The following TNC variants were observed in gnomAD, a reference collection of about 807,000 sequenced individuals.
The protein encoded by TNC is tenascin.
TNC carries 109 observed loss-of-function variants against 202.4 expected under a neutral mutation model. The ratio of observed to expected loss-of-function variants is 0.54; its 90% CI spans 0.46 to 0.63. The LOEUF is 0.63. Among genes scored for constraint, TNC ranks in the 30% least tolerant of loss-of-function variants. The pLI is 0.00. For synonymous variants in TNC, 1,007 were observed against 1,089.7 expected, an observed-to-expected ratio of 0.92 and a Z score of 1.50; for missense variants, 2,756 against 2,833.3, an observed-to-expected ratio of 0.97 and a Z score of 0.62.
chr9:115,111,878 G>A (rs1588247477), intron 1 of TNC, among the ~76,000 whole-genome samples: 1 of 152,156 alleles, frequency 6.6e-6, no homozygotes, highest in South Asian at 2.1e-4. Context: ...AACAAGCTTG[G>A]AAGCTAATCA....
chr9:115,083,380 C>T (rs1757108), intron 4 of TNC, among the ~76,000 whole-genome samples: 71,994 of 151,824 alleles, frequency 0.47, 17,502 homozygotes, highest in African/African-American at 0.57. Context: ...AGAATGTTTC[C>T]ACTTAAAGAA....
intron 15 of TNC, among the ~76,000 whole-genome samples, chr9:115,053,704 G>T (rs529108214): frequency 6.6e-6 from 1 of 152,236 alleles, no homozygotes; most frequent in South Asian, 2.1e-4. Context: ...ACAAATTAAA[G>T]GCTAATACCC....
intron 1 of TNC, among the ~76,000 whole-genome samples, chr9:115,107,394 A>C (rs1836699615): frequency 6.6e-6 from 1 of 152,224 alleles, no homozygotes; most frequent in Non-Finnish European, 1.5e-5. Flanking sequence ...CTGCTGGAAT[A>C]TAGTAGTTAT....
chr9:115,025,363 T>C (rs1274667997), intron 26 of TNC, among the ~76,000 whole-genome samples: 1 of 149,876 alleles, frequency 6.7e-6, no homozygotes, highest in African/African-American at 2.5e-5. Context: ...AAAAGAGCTT[T>C]GTGCCTCCTT....
At chr9:115,035,692 C>A (rs1382297466) in intron 21 of TNC, 4 of 258,470 alleles carry the variant, frequency 1.5e-5, no homozygotes, top group East Asian at 1.6e-4. Context: ...TGTTTCCCTG[C>A]TTGCTATAGT....
At chr9:115,075,125 T>A (rs1833744336) in intron 9 of TNC, among the ~76,000 whole-genome samples, 1 of 152,108 alleles carries the variant, frequency 6.6e-6, no homozygotes, top group African/African-American at 2.4e-5. Context: ...TCATAGTGCC[T>A]GTGGGGAGGT....
chr9:115,048,202 C>G, intron 16 of TNC, 58 bp downstream of exon 16: 4 of 1,576,584 alleles, frequency 2.5e-6, no homozygotes, highest in Non-Finnish European at 8.6e-7. Flanking sequence ...ATCCGGTAGA[C>G]AGATTACACA....
intron 10 of TNC, among the ~76,000 whole-genome samples, chr9:115,073,265 TAAAC>T (rs1383053412): frequency 2.0e-5 from 3 of 151,676 alleles, no homozygotes; most frequent in Admixed American, 6.6e-5. Context: ...AAGAAGGAAA[TAAAC>T]AAGAAACAAT....
At chr9:115,034,380 C>T (rs991720519) in intron 22 of TNC, among the ~76,000 whole-genome samples, 7 of 152,172 alleles carry the variant, frequency 4.6e-5, no homozygotes, top group Non-Finnish European at 1.0e-4. Context: ...ATTCCTAGTT[C>T]AAATACAAAA....
At chr9:115,068,767 C>T (rs530739641) in intron 10 of TNC, among the ~76,000 whole-genome samples, 1 of 152,298 alleles carries the variant, frequency 6.6e-6, no homozygotes, top group African/African-American at 2.4e-5. Context: ...AGATGCTATT[C>T]CCTTTGCTGG....
chr9:115,112,064 C>T (rs1004535765), intron 1 of TNC, among the ~76,000 whole-genome samples: 11 of 152,104 alleles, frequency 7.2e-5, no homozygotes, highest in East Asian at 1.9e-4. Context: ...ATAATGAATA[C>T]GGAGATACTA....
intron 25 of TNC, among the ~76,000 whole-genome samples, chr9:115,027,014 C>T (rs1307922276): frequency 6.6e-6 from 1 of 151,370 alleles, no homozygotes; most frequent in African/African-American, 2.4e-5. Context: ...GAGGCTGAGG[C>T]AGGAGAATCG....
rs763507011 is a variant in TNC, at chr9:115,046,467, G to A, written c.5068C>T (p.Leu1690Phe). 1.3e-5 allele frequency: 21 copies of A among 1,614,022 alleles called. No homozygotes were observed. Among genetic ancestry groups the A allele is most frequent in the Middle Eastern group, 1.6e-4 (1 of 6,084 alleles). ...CGCCTTCCTTTGCTTATTCCATAGA[G>A]TTCAATTTCGTATTCAGTAGCCTCT... ...LREATEYEIE[L>F]YGISKGRRSQ... The change falls in exon 17 of 28, where the codon CTC becomes TTC. Residue 1690 changes from leucine (L) to phenylalanine (F), a missense_variant. Transcript: ENST00000350763.
In TNC at chr9:115,082,676, C is replaced by T. The variant is rs1257057354; in HGVS notation, c.2247+16G>A. The T allele has an allele frequency of 1.9e-6, 3 of 1,563,432 alleles. No individual in the cohort carries two copies. In the Admixed American group the frequency reaches 5.0e-5, roughly 26 times the overall value. Reference sequence around the variant, plus strand: ...ATCCTTGAGATCAAATGGATCTGCTCTTTTGTACTCCTTACCATATTCCGG... The same window carrying T: ...ATCCTTGAGATCAAATGGATCTGCTTTTTTGTACTCCTTACCATATTCCGG... On this transcript the variant is annotated intron_variant, in intron 5 of 27. Coordinates refer to ENST00000350763, the MANE Select transcript of TNC (RefSeq NM_002160.4).
chr9:115,110,830 C>G (rs1836984467), intron 1 of TNC, among the ~76,000 whole-genome samples: 1 of 151,308 alleles, frequency 6.6e-6, no homozygotes, highest in African/African-American at 2.4e-5. Context: ...CCACTATATA[C>G]ATGGGAGGAT....
chr9:115,083,300 G>A (rs918844123), intron 4 of TNC, among the ~76,000 whole-genome samples: 1 of 152,072 alleles, frequency 6.6e-6, no homozygotes, highest in African/African-American at 2.4e-5. Flanking sequence ...AAGGAAAAAA[G>A]GGTCAATTTC....
intron 1 of TNC, among the ~76,000 whole-genome samples, chr9:115,103,777 T>A (rs1263648383): frequency 6.6e-6 from 1 of 152,198 alleles, no homozygotes; most frequent in Non-Finnish European, 1.5e-5. Context: ...AGTGTTTCTT[T>A]CCATAGTTTG....
At chr9:115,052,949 C>G in intron 15 of TNC, 1 of 702,682 alleles carries the variant, frequency 1.4e-6, no homozygotes, top group Non-Finnish European at 2.6e-6. Flanking sequence ...TTGAGTGGTC[C>G]ATGACATGTT....
At chr9:115,029,028 A>T (rs1587998196) in intron 25 of TNC, among the ~76,000 whole-genome samples, 2 of 102,352 alleles carry the variant, frequency 2.0e-5, no homozygotes, top group African/African-American at 7.7e-5. Flanking sequence ...TCTTAATATT[A>T]TCTCTGGAAA....
Sources: allele counts gnomAD v4.1 joint callset (sites outside exome capture counted in the v4.1 genomes callset), GRCh38; gene constraint gnomAD v4.1.1; transcripts MANE v1.5; gene names NCBI Gene and HGNC (gene_info 2026-07-23, HGNC 2026-07-21).